The following INVS variants were observed in gnomAD, a reference collection of about 807,000 sequenced individuals.
INVS encodes the protein inversin.
A neutral mutation model predicts 108.8 loss-of-function variants in INVS; 86 were observed. The observed-to-expected ratio is 0.79, with a 90% confidence interval of 0.66 to 0.95. The LOEUF is 0.95. Among genes scored for constraint, INVS ranks in the 40% least tolerant of loss-of-function variants. The pLI, the probability that INVS is intolerant of heterozygous loss-of-function variation, is 0.00. For missense variants in INVS, 1,169 were observed against 1,297.4 expected, an observed-to-expected ratio of 0.90 and a Z score of 1.52; for synonymous variants, 455 against 473.5, an observed-to-expected ratio of 0.96 and a Z score of 0.51.
chr9:100,292,940 C>T lies in INVS; in HGVS notation c.2683C>T (p.Pro895Ser). 1 of 1,613,208 alleles carries T rather than the reference C, an allele frequency of 6.2e-7. No homozygotes were observed. Among genetic ancestry groups the T allele is most frequent in the Non-Finnish European group, 8.5e-7 (1 of 1,179,208 alleles). The change falls in exon 14 of 17, where the codon CCC (proline) becomes TCC (serine). Residue 895 changes from proline to serine, a missense_variant. Pro to Ser is a moderately conservative substitution (Grantham distance 74). Coordinates refer to ENST00000262457, the MANE Select transcript of INVS (RefSeq NM_014425.5). ...SGQSVNIDLLPVELRLQIIQR... is the reference protein window; with the variant it reads ...SGQSVNIDLLSVELRLQIIQR... ...GCAGAGTGTGAATATTGACCTTCTCCCCGTAGAGCTCCGACTGCAGATAAT... is the reference window on the plus strand; with the variant it reads ...GCAGAGTGTGAATATTGACCTTCTCTCCGTAGAGCTCCGACTGCAGATAAT...
At chr9:100,219,068 G>T in intron 3 of INVS, among the ~76,000 whole-genome samples, 1 of 152,024 alleles carries the variant, frequency 6.6e-6, no homozygotes, top group Non-Finnish European at 1.5e-5. Context: ...TTCAGATTAC[G>T]AATTCATTCC....
chr9:100,221,134 A>G (rs1831134573), intron 3 of INVS, among the ~76,000 whole-genome samples: 1 of 152,176 alleles, frequency 6.6e-6, no homozygotes, highest in African/African-American at 2.4e-5. Flanking sequence ...GTAGCCTATA[A>G]CATGGGTCCA....
chr9:100,225,241 G>C (rs1348346489), intron 3 of INVS, among the ~76,000 whole-genome samples: 4 of 150,658 alleles, frequency 2.7e-5, no homozygotes, highest in African/African-American at 9.8e-5. Flanking sequence ...GTAGAGATGG[G>C]GTTTCACCGT....
intron 13 of INVS, among the ~76,000 whole-genome samples, chr9:100,287,273 A>G (rs146717854): frequency 4.7e-4 from 71 of 152,338 alleles, no homozygotes; most frequent in African/African-American, 1.7e-3. Context: ...ATTTTCAGAA[A>G]GCGAAGATAA....
rs1259314556 is a variant in INVS at position 100,292,677 on chromosome 9, G to T, written c.2420G>T (p.Gly807Val). ...AGAGGAGGAAGGTGCTCTCCGGCTG[G>T]TTCTAGCCGCCCTGGCAGTGCCCGG... ...ELRGGRCSPA[G>V]SSRPGSARGE... is the part of the protein sequence containing the mutation. Residue 807 changes from glycine (G) to valine (V), a missense_variant, in exon 14 of 17, where the codon GGT becomes GTT. By Grantham distance (109) the Gly-to-Val change is moderately radical. Around this residue, in one of 3 missense-constraint regions of INVS, gnomAD observed 533 missense variants for 536.0 expected, o/e 0.99. Transcript: ENST00000262457. 4 of 1,614,048 alleles carry T rather than the reference G, an allele frequency of 2.5e-6. No homozygotes were observed. The African/African-American group carries it at 5.3e-5, about 22-fold the overall frequency.
chr9:100,301,644 T>C lies in INVS; in HGVS notation c.*970T>C, dbSNP rs1833972953. Among the ~76,000 whole-genome samples the C allele has an allele frequency of 1.3e-5, 2 of 152,202 alleles. No individual in the cohort carries two copies. Among genetic ancestry groups the C allele is most frequent in the Non-Finnish European group, 2.9e-5 (2 of 68,018 alleles). On this transcript the variant is annotated 3_prime_UTR_variant, in exon 17 of 17. Transcript: ENST00000262457. Reference sequence around the variant, plus strand: ...TCACATTGTTTAAGGGGAAAGCTGCTGTGAGAATATTGACAGTAGGCATAA... The same window carrying C: ...TCACATTGTTTAAGGGGAAAGCTGCCGTGAGAATATTGACAGTAGGCATAA...
intron 3 of INVS, among the ~76,000 whole-genome samples, chr9:100,217,548 T>C (rs1831028071): frequency 6.6e-6 from 1 of 152,128 alleles, no homozygotes; most frequent in Non-Finnish European, 1.5e-5. Flanking sequence ...CCAAGGATTA[T>C]GGGGGCAATA....
At chr9:100,161,290 C>G (rs1442420299) in intron 3 of INVS, among the ~76,000 whole-genome samples, 1 of 143,760 alleles carries the variant, frequency 7.0e-6, no homozygotes, top group East Asian at 2.1e-4. Context: ...GCAAGATAAT[C>G]GCTTAAACTC....
chr9:100,244,311 A>G (rs1831976249), intron 7 of INVS, among the ~76,000 whole-genome samples: 1 of 152,162 alleles, frequency 6.6e-6, no homozygotes, highest in Non-Finnish European at 1.5e-5. Flanking sequence ...GACCGAGTCT[A>G]GTCAATCTAT....
At chr9:100,284,292 T>A (rs973045125) in intron 12 of INVS, 28 bp from the exon 13 acceptor site, 14 of 1,613,000 alleles carry the variant, frequency 8.7e-6, no homozygotes, top group Non-Finnish European at 1.2e-5. Flanking sequence ...TTAAATTTTT[T>A]CATCTTCTTC....
At chr9:100,162,029 G>A (rs907552710) in intron 3 of INVS, among the ~76,000 whole-genome samples, 2 of 152,188 alleles carry the variant, frequency 1.3e-5, no homozygotes, top group Non-Finnish European at 2.9e-5. Flanking sequence ...GAGCCTGGAA[G>A]AAAAGGCTGG....
chr9:100,206,749 A>T (rs1455652979), intron 3 of INVS, among the ~76,000 whole-genome samples: 4 of 152,010 alleles, frequency 2.6e-5, no homozygotes, highest in African/African-American at 2.4e-5. Flanking sequence ...AAAAAAAAAA[A>T]TCCAGGATCA....
rs1296791804 is a variant in INVS, at chr9:100,292,584, C to T, written c.2327C>T (p.Pro776Leu). Reference sequence around the variant, plus strand: ...CCACCGCACGATAGCCACTGGAAGCCCAGCAGGCGGCATGACACAGAACCC... The same window carrying T: ...CCACCGCACGATAGCCACTGGAAGCTCAGCAGGCGGCATGACACAGAACCC... ...SLPPHDSHWKPSRRHDTEPKA... is the reference protein window; with the variant it reads ...SLPPHDSHWKLSRRHDTEPKA... The change falls in exon 14 of 17, where the codon CCC (proline) becomes CTC (leucine). Residue 776 changes from proline to leucine, a missense_variant. Coordinates refer to ENST00000262457, the MANE Select transcript of INVS (RefSeq NM_014425.5). 1.9e-6 allele frequency: 3 copies of T among 1,614,124 alleles called. No individual in the cohort carries two copies. The South Asian group carries it at 3.3e-5, about 18-fold the overall frequency.
chr9:100,159,550 C>T (rs1025484984), intron 3 of INVS, among the ~76,000 whole-genome samples: 1 of 152,070 alleles, frequency 6.6e-6, no homozygotes, highest in Non-Finnish European at 1.5e-5. Context: ...ATTCCATAAC[C>T]AATTACCTCC....
intron 13 of INVS, among the ~76,000 whole-genome samples, chr9:100,288,546 T>A (rs1311361899): frequency 4.6e-5 from 7 of 152,288 alleles, no homozygotes; most frequent in African/African-American, 1.7e-4. Flanking sequence ...TCTTAGAAAT[T>A]TTTTTGTCGA....
At chr9:100,254,291 A>T (rs903794876) in intron 10 of INVS, among the ~76,000 whole-genome samples, 7 of 152,030 alleles carry the variant, frequency 4.6e-5, no homozygotes, top group African/African-American at 1.7e-4. Context: ...AAATTTGTTT[A>T]AGTTCTTTGT....
At chr9:100,124,177 AGTGTGTGTGTGTGT>A (rs3052021) in intron 2 of INVS, among the ~76,000 whole-genome samples, 9 of 144,232 alleles carry the variant, frequency 6.2e-5, no homozygotes, top group East Asian at 2.0e-4. Context: ...TTTGTTTCTG[AGTGTGTGTGTGTGT>A]GTGTGTGTGT....
intron 2 of INVS, among the ~76,000 whole-genome samples, chr9:100,118,518 G>T (rs1220309264): frequency 6.6e-6 from 1 of 151,714 alleles, no homozygotes; most frequent in Non-Finnish European, 1.5e-5. Flanking sequence ...CCCAATTTTT[G>T]TTTTTTATAA....
intron 5 of INVS, among the ~76,000 whole-genome samples, chr9:100,238,685 G>A (rs1381649802): frequency 6.6e-6 from 1 of 151,876 alleles, no homozygotes; most frequent in East Asian, 1.9e-4. Context: ...ATCTGTCTTC[G>A]AGTTTACTAA....
Sources: allele counts gnomAD v4.1 joint callset (sites outside exome capture counted in the v4.1 genomes callset), GRCh38; gene constraint gnomAD v4.1.1; regional missense constraint gnomAD v4.1.1; transcripts MANE v1.5; gene names NCBI Gene and HGNC (gene_info 2026-07-23, HGNC 2026-07-21).